Variants in PAPPA observed in about 807,000 individuals in gnomAD.
PAPPA encodes pappalysin 1, also known as pappalysin-1.
A neutral mutation model predicts 164.0 loss-of-function variants in PAPPA; 60 were observed. The ratio of observed to expected loss-of-function variants is 0.37; its 90% CI spans 0.30 to 0.45. The LOEUF (loss-of-function observed/expected upper bound fraction) is 0.45, where lower values mean the gene tolerates loss of function less well. Among genes scored for constraint, PAPPA ranks in the 20% least tolerant of loss-of-function variants. The probability of loss-of-function intolerance (pLI) is 1.00; values close to 1 mark genes in which losing one functional copy is unlikely to be tolerated. For synonymous variants in PAPPA, 875 were observed against 814.1 expected (o/e 1.07, Z -1.27); for missense variants, 1,782 against 2,087.3 (o/e 0.85, Z 2.85).
At chr9:116,158,326 T>C (rs1359835639) in intron 1 of PAPPA, among the ~76,000 whole-genome samples, 1 of 152,202 alleles carries the variant, frequency 6.6e-6, no homozygotes, top group Non-Finnish European at 1.5e-5. Flanking sequence ...TTTAAGTATA[T>C]GGCTAGGAGT....
rs779394198 is a variant in PAPPA, at chr9:116,353,597, C to G, written c.4176-25C>G. The G allele has an allele frequency of 2.5e-6, 4 of 1,607,884 alleles. No homozygotes were observed. The African/African-American group carries it at 4.0e-5, about 16-fold the overall frequency. On this transcript the variant is annotated intron_variant, in intron 16 of 21. Coordinates refer to ENST00000328252, the MANE Select transcript of PAPPA (RefSeq NM_002581.5). ...TCTAGCCATTTGGTCCTTGAGATGTCTCCTGTTTGATCCTTTCCTTGAAGA... is the reference window on the plus strand; with the variant it reads ...TCTAGCCATTTGGTCCTTGAGATGTGTCCTGTTTGATCCTTTCCTTGAAGA...
In PAPPA at chr9:116,273,842, T is replaced by C. The variant is rs182817580; in HGVS notation, c.2953+2426T>C. Among the ~76,000 whole-genome samples the C allele has an allele frequency of 1.2e-3, 182 of 152,332 alleles. 2 individuals are homozygous for C. Among genetic ancestry groups the C allele is most frequent in the Non-Finnish European group, 1.7e-3 (117 of 68,032 alleles). On this transcript the variant is annotated intron_variant, in intron 9 of 21. Coordinates refer to ENST00000328252, the MANE Select transcript of PAPPA (RefSeq NM_002581.5). Reference sequence around the variant, plus strand: ...CTGAGATCCTCCTAGATTCATTTTATAGACTGTTGTTCTCTACCAGATTCT... The same window carrying C: ...CTGAGATCCTCCTAGATTCATTTTACAGACTGTTGTTCTCTACCAGATTCT...
At chr9:116,300,868 G>A (rs1015145548) in intron 9 of PAPPA, among the ~76,000 whole-genome samples, 4 of 151,162 alleles carry the variant, frequency 2.6e-5, no homozygotes, top group Non-Finnish European at 4.4e-5. Flanking sequence ...TTTTTCTCTC[G>A]ATGATTATTC....
chr9:116,329,200 G>T (rs896223791), intron 10 of PAPPA, among the ~76,000 whole-genome samples: 2 of 152,286 alleles, frequency 1.3e-5, no homozygotes, highest in African/African-American at 4.8e-5. Flanking sequence ...CAGCAAGATG[G>T]TGCCAAGAGT....
At chr9:116,243,070 C>G (rs906563688) in intron 7 of PAPPA, among the ~76,000 whole-genome samples, 2 of 152,134 alleles carry the variant, frequency 1.3e-5, no homozygotes, top group African/African-American at 4.8e-5. Flanking sequence ...CAATGTCAGC[C>G]CTATTGCATG....
At chr9:116,201,994 G>C (rs1235375437) in intron 2 of PAPPA, among the ~76,000 whole-genome samples, 1 of 152,124 alleles carries the variant, frequency 6.6e-6, no homozygotes, top group Non-Finnish European at 1.5e-5. Flanking sequence ...GCGTGACATT[G>C]CTTAAAGATC....
intron 2 of PAPPA, 24 bp from the exon 3 acceptor site, chr9:116,207,432 G>T (rs377669345): frequency 1.3e-6 from 2 of 1,593,996 alleles, no homozygotes; most frequent in Middle Eastern, 3.5e-4. Context: ...CATGATAACA[G>T]CCAAGGTTCT....
intron 17 of PAPPA, 129 bp downstream of exon 17, chr9:116,353,922 T>C: frequency 1.6e-6 from 1 of 620,020 alleles, no homozygotes; most frequent in Non-Finnish European, 2.7e-6. Flanking sequence ...CTACCCGCAA[T>C]ACTGTTTTTG....
chr9:116,356,343 A>G (rs1846353643), intron 17 of PAPPA, among the ~76,000 whole-genome samples: 1 of 151,262 alleles, frequency 6.6e-6, no homozygotes, highest in Non-Finnish European at 1.5e-5. Context: ...TAATGAAAAT[A>G]GAGCATGTCT....
At chr9:116,169,183 G>A (rs950636754) in intron 1 of PAPPA, among the ~76,000 whole-genome samples, 15 of 151,808 alleles carry the variant, frequency 9.9e-5, no homozygotes, top group African/African-American at 3.6e-4. Flanking sequence ...GTTACCTATT[G>A]AAATGTATAT....
chr9:116,254,930 G>A (rs1844910444), intron 7 of PAPPA, among the ~76,000 whole-genome samples: 1 of 151,766 alleles, frequency 6.6e-6, no homozygotes, highest in South Asian at 2.1e-4. Context: ...TAATAAGCAT[G>A]GATGATTTTT....
chr9:116,248,366 CT>C (rs1453534193), intron 7 of PAPPA, among the ~76,000 whole-genome samples: 1 of 152,180 alleles, frequency 6.6e-6, no homozygotes, highest in Non-Finnish European at 1.5e-5. Context: ...CCCAAGACCC[CT>C]GTCTATAAAA....
At chr9:116,184,238 C>A (rs538382757) in intron 1 of PAPPA, among the ~76,000 whole-genome samples, 6 of 152,188 alleles carry the variant, frequency 3.9e-5, no homozygotes, top group Non-Finnish European at 8.8e-5. Context: ...TCTGGCGCAA[C>A]TCACTTCAAA....
chr9:116,168,635 T>C (rs1843741563), intron 1 of PAPPA, among the ~76,000 whole-genome samples: 2 of 152,218 alleles, frequency 1.3e-5, no homozygotes, highest in Non-Finnish European at 2.9e-5. Context: ...GGTATAGTCA[T>C]GTATGTAATT....
intron 6 of PAPPA, among the ~76,000 whole-genome samples, chr9:116,231,969 G>A (rs374172549): frequency 9.0e-4 from 137 of 151,920 alleles, no homozygotes; most frequent in African/African-American, 3.2e-3. Context: ...GGTCAGGCTG[G>A]TCTCGAACTC....
chr9:116,233,780 C>T (rs1393608338), intron 6 of PAPPA, among the ~76,000 whole-genome samples: 1 of 152,100 alleles, frequency 6.6e-6, no homozygotes, highest in East Asian at 1.9e-4. Context: ...TCCTGTTACC[C>T]TGTAACATTA....
chr9:116,184,597 A>G (rs1843947551), intron 1 of PAPPA, among the ~76,000 whole-genome samples: 1 of 152,190 alleles, frequency 6.6e-6, no homozygotes. Context: ...TAAGTATGAC[A>G]ATATATTTAG....
intron 10 of PAPPA, among the ~76,000 whole-genome samples, chr9:116,314,657 C>T (rs990744047): frequency 9.2e-5 from 14 of 152,324 alleles, no homozygotes; most frequent in African/African-American, 9.6e-5. Context: ...CTAAGGGGCA[C>T]GTTCCAGGCA....
intron 2 of PAPPA, among the ~76,000 whole-genome samples, chr9:116,204,663 G>A (rs574306061): frequency 7.2e-5 from 11 of 151,910 alleles, no homozygotes; most frequent in Non-Finnish European, 1.3e-4. Context: ...CATTCCTGCC[G>A]CCTTGGCTGC....
Sources: gnomAD v4.1 joint callset for allele counts (sites outside exome capture counted in the v4.1 genomes callset) on GRCh38, gnomAD v4.1.1 for gene constraint, MANE v1.5 for transcripts, NCBI Gene and HGNC (gene_info 2026-07-23, HGNC 2026-07-21) for gene names.